Variants in SP100 observed in about 807,000 individuals in gnomAD.
SP100 encodes SP100 nuclear body protein.
Under a neutral mutation model 130.0 loss-of-function variants are expected in SP100, and 84 were observed. That is an observed-to-expected ratio of 0.65 (90% CI 0.54 to 0.77). The LOEUF (loss-of-function observed/expected upper bound fraction) is 0.77, where lower values mean the gene tolerates loss of function less well. SP100 is among the 30% of genes least tolerant of loss of function. The pLI is 0.00. For synonymous variants in SP100, 331 were observed against 351.7 expected, an observed-to-expected ratio of 0.94 and a Z score of 0.66; for missense variants, 978 against 1,052.2, an observed-to-expected ratio of 0.93 and a Z score of 0.97.
chr2:230,512,175 T>C (rs1690634133), intron 24 of SP100, among the ~76,000 whole-genome samples: 1 of 148,288 alleles, frequency 6.7e-6, no homozygotes, highest in Non-Finnish European at 1.5e-5. Flanking sequence ...CAGGAAGAAA[T>C]AATTTGATAA....
chr2:230,536,750 CTTCTT>C (rs1691959201), intron 24 of SP100, among the ~76,000 whole-genome samples: 4 of 60,528 alleles, frequency 6.6e-5, no homozygotes, highest in Non-Finnish European at 2.1e-4. Flanking sequence ...CGACTAAAGC[CTTCTT>C]GCTTGGCAAT....
intron 17 of SP100, among the ~76,000 whole-genome samples, chr2:230,489,047 G>T (rs764143377): frequency 6.6e-6 from 1 of 152,142 alleles, no homozygotes; most frequent in Non-Finnish European, 1.5e-5. Context: ...AAATGAGTTA[G>T]GGAGGAGTCA....
chr2:230,515,977 A>G (rs1272622342), intron 24 of SP100: 1 of 1,015,388 alleles, frequency 9.8e-7, no homozygotes, highest in African/African-American at 1.7e-5. Context: ...TAGCTTATAC[A>G]AAACATTTGT....
chr2:230,416,760 G>T (rs927387146), intron 1 of SP100: 1 of 988,346 alleles, frequency 1.0e-6, no homozygotes, highest in African/African-American at 1.7e-5. Flanking sequence ...AACATCAGAC[G>T]CTGTGGTCTC....
At chr2:230,482,480 G>A (rs1307896343) in intron 17 of SP100, among the ~76,000 whole-genome samples, 1 of 151,964 alleles carries the variant, frequency 6.6e-6, no homozygotes, top group Non-Finnish European at 1.5e-5. Flanking sequence ...AACCTACTGA[G>A]AACAAAACCC....
At chr2:230,488,577 C>A (rs1402802599) in intron 17 of SP100, among the ~76,000 whole-genome samples, 1 of 152,082 alleles carries the variant, frequency 6.6e-6, no homozygotes, top group Admixed American at 6.6e-5. Flanking sequence ...CCATGCCTGG[C>A]TAATTTTTAG....
intron 18 of SP100, among the ~76,000 whole-genome samples, chr2:230,496,116 G>T (rs1678151): frequency 0.84 from 127,343 of 152,104 alleles, 53,644 homozygotes; most frequent in Middle Eastern, 0.93. Context: ...TGTTTTTTCC[G>T]TCATGTTTCT....
At chr2:230,417,780 T>A in intron 2 of SP100, 115 bp downstream of exon 2, 1 of 1,441,586 alleles carries the variant, frequency 6.9e-7, no homozygotes, top group Admixed American at 2.7e-5. Flanking sequence ...AAATTGCTTG[T>A]TTGTTTTTTG....
At chr2:230,495,417 G>C (rs1385719563) in intron 18 of SP100, among the ~76,000 whole-genome samples, 2 of 152,156 alleles carry the variant, frequency 1.3e-5, no homozygotes, top group African/African-American at 4.8e-5. Context: ...CTGCCTCCCA[G>C]GTTCAAGCAA....
Sources: gnomAD v4.1 joint callset for allele counts (sites outside exome capture counted in the v4.1 genomes callset) on GRCh38, gnomAD v4.1.1 for gene constraint, MANE v1.5 for transcripts, NCBI Gene and HGNC (gene_info 2026-07-23, HGNC 2026-07-21) for gene names.